The following PLEKHG1 variants were observed in gnomAD, a reference collection of about 807,000 sequenced individuals.
The protein encoded by PLEKHG1 is pleckstrin homology and RhoGEF domain containing G1.
In PLEKHG1, 44 loss-of-function variants were observed where a neutral mutation model predicts 100.8. The observed-to-expected ratio is 0.44, with a 90% CI of 0.34 to 0.56. The LOEUF (loss-of-function observed/expected upper bound fraction) is 0.56, where lower values mean the gene tolerates loss of function less well. PLEKHG1 is among the 20% of genes least tolerant of loss of function. The pLI is 0.01. For synonymous variants in PLEKHG1, 640 were observed against 662.5 expected (o/e 0.97, Z 0.52); for missense variants, 1,545 against 1,720.9 (o/e 0.90, Z 1.81).
At chr6:150,647,851 T>C (rs2128572041) in intron 2 of PLEKHG1, among the ~76,000 whole-genome samples, 1 of 152,302 alleles carries the variant, frequency 6.6e-6, no homozygotes, top group South Asian at 2.1e-4. Context: ...TTCTCAAGTA[T>C]TCACCTATAA....
At chr6:150,832,559 A>C (rs992798486) in intron 15 of PLEKHG1, among the ~76,000 whole-genome samples, 77 of 152,170 alleles carry the variant, frequency 5.1e-4, no homozygotes, top group African/African-American at 1.8e-3. Flanking sequence ...ATTTTTTAGG[A>C]GGAGGAGGAG....
chr6:150,785,110 A>T (rs1161956485), intron 3 of PLEKHG1, among the ~76,000 whole-genome samples: 1 of 152,212 alleles, frequency 6.6e-6, no homozygotes, highest in Non-Finnish European at 1.5e-5. Flanking sequence ...GGAAACTGAG[A>T]GTAAATAATA....
At chr6:150,805,802 C>T (rs1410250409) in intron 7 of PLEKHG1, among the ~76,000 whole-genome samples, 1 of 152,154 alleles carries the variant, frequency 6.6e-6, no homozygotes, top group Non-Finnish European at 1.5e-5. Context: ...GCTGGGATTA[C>T]AGATGTGAGC....
At chr6:150,805,982 A>T (rs1181936616) in intron 7 of PLEKHG1, among the ~76,000 whole-genome samples, 1 of 152,168 alleles carries the variant, frequency 6.6e-6, no homozygotes, top group Non-Finnish European at 1.5e-5. Context: ...ACAAAACAAG[A>T]GGCTGCATGG....
chr6:150,608,737 A>C (rs1226860864), intron 1 of PLEKHG1, among the ~76,000 whole-genome samples: 1 of 152,256 alleles, frequency 6.6e-6, no homozygotes, highest in Non-Finnish European at 1.5e-5. Context: ...AACTGTGTGC[A>C]TGGAAAAGAT....
At chr6:150,731,128 G>A (rs180867736) in intron 1 of PLEKHG1, among the ~76,000 whole-genome samples, 8 of 152,258 alleles carry the variant, frequency 5.3e-5, no homozygotes, top group African/African-American at 1.9e-4. Context: ...AGTCCCAAAC[G>A]TGAGTAAGCA....
chr6:150,698,562 G>C (rs1175208989), intron 3 of PLEKHG1, among the ~76,000 whole-genome samples: 2 of 110,422 alleles, frequency 1.8e-5, no homozygotes, highest in African/African-American at 8.0e-5. Flanking sequence ...TTAACAAATT[G>C]ATTACACTAT....
Position 150,758,889 on chromosome 6 carries a change from T to A in PLEKHG1, c.412-9749T>A, listed in dbSNP as rs377017440. Among the ~76,000 whole-genome samples the A allele has an allele frequency of 2.0e-5, 3 of 152,344 alleles. No individual in the cohort carries two copies. In the East Asian group the frequency reaches 5.8e-4, roughly 29 times the overall value. On this transcript the variant is annotated intron_variant, in intron 2 of 15. Coordinates refer to ENST00000358517, the Ensembl canonical transcript of PLEKHG1. ...TTTCTGATTTGTCTTCATTTCAGAA[T>A]GATTCCTAATTCTCTAGAGCTAAAA... is the stretch of plus-strand genomic sequence containing the variant.
chr6:150,788,428 G>C (rs1455334483), intron 4 of PLEKHG1, among the ~76,000 whole-genome samples: 2 of 152,148 alleles, frequency 1.3e-5, no homozygotes, highest in East Asian at 3.8e-4. Flanking sequence ...TGAACCACTG[G>C]GGCCTGCACA....
intron 3 of PLEKHG1, among the ~76,000 whole-genome samples, chr6:150,705,523 AG>A (rs1397107585): frequency 6.6e-6 from 1 of 152,228 alleles, no homozygotes; most frequent in African/African-American, 2.4e-5. Context: ...CCCTGAGCCC[AG>A]TCGCCCCACC....
intron 10 of PLEKHG1, 130 bp downstream of exon 11, chr6:150,809,864 C>A: frequency 9.0e-6 from 4 of 446,408 alleles, no homozygotes; most frequent in East Asian, 3.5e-5. Flanking sequence ...GTGAGACTGT[C>A]TCAAAATAAA....
intron 2 of PLEKHG1, among the ~76,000 whole-genome samples, chr6:150,741,013 C>T (rs1216705625): frequency 6.6e-6 from 1 of 152,180 alleles, no homozygotes; most frequent in Non-Finnish European, 1.5e-5. Context: ...TTCACCACCT[C>T]AACAACAGCA....
At chr6:150,824,534 TC>T (rs1256429311) in intron 14 of PLEKHG1, among the ~76,000 whole-genome samples, 7 of 152,016 alleles carry the variant, frequency 4.6e-5, no homozygotes, top group Admixed American at 1.3e-4. Context: ...TTTTTTTTTT[TC>T]TTTTGAGACT....
intron 1 of PLEKHG1, among the ~76,000 whole-genome samples, chr6:150,613,364 G>C (rs764670639): frequency 2.6e-5 from 4 of 152,028 alleles, no homozygotes; most frequent in Admixed American, 6.6e-5. Context: ...CCTAACCTAG[G>C]ATACATCTGC....
In PLEKHG1 at chr6:150,733,644, C is replaced by T. The variant is rs760914118; in HGVS notation, c.-38C>T. 15 of 1,613,934 alleles carry T rather than the reference C, an allele frequency of 9.3e-6. No individual in the cohort carries two copies. Among genetic ancestry groups the T allele is most frequent in the South Asian group, 8.8e-5 (8 of 91,044 alleles). The stretch of plus-strand genomic sequence containing the variant: ...GTAACCAAAGTTCCACATCCCAAGA[C>T]GACAGCCAGGCGTTCCTGCCCTCAA... On this transcript the variant is annotated 5_prime_UTR_variant, in exon 2 of 16. The change creates a new upstream start codon in the 5' untranslated region. Transcript: ENST00000358517.
chr6:150,667,908 C>T (rs1360427302), intron 3 of PLEKHG1, among the ~76,000 whole-genome samples: 1 of 152,166 alleles, frequency 6.6e-6, no homozygotes, highest in Non-Finnish European at 1.5e-5. Flanking sequence ...AGCCCATCAG[C>T]AGGTATTAAA....
chr6:150,744,301 C>T (rs1783034129), intron 2 of PLEKHG1, among the ~76,000 whole-genome samples: 1 of 152,108 alleles, frequency 6.6e-6, no homozygotes. Flanking sequence ...GTCTCAATCT[C>T]CTAACCTCGT....
rs931775803 is a variant in PLEKHG1 at position 150,830,514 on chromosome 6, G to A, written c.1471-68G>A. Reference sequence around the variant, plus strand: ...GGGGAGGCAGTGTGTAAACACAGGAGAAATTCCTGAGTTATGTGTCTTCTC... The same window carrying A: ...GGGGAGGCAGTGTGTAAACACAGGAAAAATTCCTGAGTTATGTGTCTTCTC... On this transcript the variant is annotated intron_variant, in intron 14 of 15. Transcript: ENST00000358517. The A allele has an allele frequency of 4.2e-6, 5 of 1,180,374 alleles. No homozygotes were observed. The African/African-American group carries it at 6.1e-5, about 14-fold the overall frequency. The allele number at this position is 1,180,374 out of a possible 1,614,324, so 73.1% of individuals were successfully genotyped here.
intron 6 of PLEKHG1, among the ~76,000 whole-genome samples, chr6:150,801,916 T>C (rs1295986688): frequency 2.0e-5 from 3 of 152,340 alleles, no homozygotes; most frequent in South Asian, 4.1e-4. Flanking sequence ...CTAAATCTTA[T>C]ACGTTGCCCA....
Sources: allele counts gnomAD v4.1 joint callset (sites outside exome capture counted in the v4.1 genomes callset), GRCh38; gene constraint gnomAD v4.1.1; transcripts MANE v1.5; gene names NCBI Gene and HGNC (gene_info 2026-07-23, HGNC 2026-07-21).